The following SPTBN1 variants were observed in gnomAD, a reference collection of about 807,000 sequenced individuals.
The protein encoded by SPTBN1 is spectrin beta, non-erythrocytic 1, also known as spectrin beta chain, non-erythrocytic 1.
SPTBN1 carries 32 observed loss-of-function variants against 266.4 expected under a neutral mutation model. That is an observed-to-expected ratio of 0.12 (90% CI 0.09 to 0.16). The LOEUF (loss-of-function observed/expected upper bound fraction) is 0.16, where lower values mean the gene tolerates loss of function less well. Ranked by LOEUF, SPTBN1 falls within the 10% of genes least tolerant of loss-of-function variation. The pLI is 1.00. For synonymous variants in SPTBN1, 1,336 were observed against 1,162.2 expected (o/e 1.15, Z -3.04); for missense variants, 2,296 against 3,067.1 (o/e 0.75, Z 5.94).
chr2:54,618,293 A>C (rs1677757622), intron 7 of SPTBN1, 100 bp downstream of exon 7: 1 of 1,054,196 alleles, frequency 9.5e-7, no homozygotes, highest in African/African-American at 1.6e-5. Flanking sequence ...TTTGGGAGTT[A>C]TCAAAGGAAG....
At chr2:54,579,688 CT>C (rs943982472) in intron 2 of SPTBN1, among the ~76,000 whole-genome samples, 1 of 152,178 alleles carries the variant, frequency 6.6e-6, no homozygotes, top group Non-Finnish European at 1.5e-5. Flanking sequence ...CCGAGAACTC[CT>C]GTTGACCTTT....
chr2:54,593,909 C>T (rs1675862084), intron 2 of SPTBN1, among the ~76,000 whole-genome samples: 1 of 132,748 alleles, frequency 7.5e-6, no homozygotes, highest in Non-Finnish European at 1.6e-5. Context: ...TCTTGGCTCA[C>T]TGCAACCTCC....
chr2:54,590,956 A>T (rs558328080), intron 2 of SPTBN1, among the ~76,000 whole-genome samples: 24 of 152,338 alleles, frequency 1.6e-4, no homozygotes, highest in Middle Eastern at 3.4e-3. Context: ...GTGGATTAGA[A>T]TGCGGAGAGA....
intron 1 of SPTBN1, among the ~76,000 whole-genome samples, chr2:54,487,437 AATG>A (rs1668458850): frequency 6.6e-6 from 1 of 152,186 alleles, no homozygotes; most frequent in African/African-American, 2.4e-5. Context: ...AGTGCAGAGT[AATG>A]ATGATTCAAT....
At chr2:54,532,837 T>C (rs760539898) in intron 2 of SPTBN1, among the ~76,000 whole-genome samples, 17 of 152,220 alleles carry the variant, frequency 1.1e-4, no homozygotes, top group Non-Finnish European at 2.2e-4. Context: ...TTGATTCTAC[T>C]GTGAGACAAG....
chr2:54,576,033 T>C (rs926479025), intron 2 of SPTBN1, among the ~76,000 whole-genome samples: 1 of 149,640 alleles, frequency 6.7e-6, no homozygotes, highest in Non-Finnish European at 1.5e-5. Flanking sequence ...TGTGTTTTTT[T>C]CCTTTTGTCA....
Position 54,631,129 on chromosome 2 carries a change from G to C in SPTBN1, c.3082G>C (p.Asp1028His), listed in dbSNP as rs545815578. Residue 1028 changes from aspartate to histidine, a missense_variant, in exon 16 of 36, where the codon GAC becomes CAC. Physicochemically the swap from Asp to His is moderately conservative, Grantham distance 81 (BLOSUM62 -1). Coordinates refer to ENST00000356805, the MANE Select transcript of SPTBN1 (RefSeq NM_003128.3). ...GGAGAAGCTGGAGTCCGAGCACCCC[G>C]ACCAGGCCCAGGCCATCCTGTCTCG... ...EAEKLESEHP[D>H]QAQAILSRLA... The C allele has an allele frequency of 3.7e-6, 6 of 1,614,058 alleles. No homozygotes were observed. Among genetic ancestry groups the C allele is most frequent in the Admixed American group, 1.7e-5 (1 of 60,008 alleles).
chr2:54,546,015 G>T (rs923683750), intron 2 of SPTBN1, among the ~76,000 whole-genome samples: 1 of 152,090 alleles, frequency 6.6e-6, no homozygotes, highest in Non-Finnish European at 1.5e-5. Context: ...GTTAATTTTT[G>T]TTAATGTTTT....
At chr2:54,518,657 T>TA (rs1021336576) in intron 1 of SPTBN1, among the ~76,000 whole-genome samples, 17 of 152,202 alleles carry the variant, frequency 1.1e-4, no homozygotes, top group African/African-American at 4.1e-4. Context: ...GGGAGTGTTT[T>TA]AAGTGTTTGC....
intron 11 of SPTBN1, among the ~76,000 whole-genome samples, chr2:54,625,372 A>G (rs1229712488): frequency 1.3e-5 from 2 of 152,116 alleles, no homozygotes; most frequent in African/African-American, 4.8e-5. Flanking sequence ...CTTTTCAGTA[A>G]GGTACTAGAT....
In SPTBN1 at chr2:54,669,613, T is replaced by A. The variant is rs1413074401; in HGVS notation, c.*1044T>A. The stretch of plus-strand genomic sequence containing the variant: ...GCCTGGTGCTCAGTCGTACGACCTG[T>A]ACCTCTCAACTTTTGCCCTATCTGT... On this transcript the variant is annotated 3_prime_UTR_variant, in exon 36 of 36. Transcript: ENST00000356805. The A allele has an allele frequency of 6.5e-6, 1 of 152,692 alleles. No individual in the cohort carries two copies. The highest frequency in any genetic ancestry group is 6.5e-5 in the Admixed American group (1 of 15,290). The allele number at this position is 152,692 out of a possible 1,614,324, so 9.5% of individuals were successfully genotyped here.
At position 54,540,464 on chromosome 2, in the gene SPTBN1, G is replaced by A. The variant is rs1671868907; in HGVS notation, c.148+13898G>A. 6.6e-6 allele frequency: 1 copy of A among 152,172 alleles called. No homozygotes were observed. Among genetic ancestry groups the A allele is most frequent in the Non-Finnish European group, 1.5e-5 (1 of 68,032 alleles). The allele number at this position is 152,172 out of a possible 1,614,324, so 9.4% of individuals were successfully genotyped here. Reference sequence around the variant, plus strand: ...GTGGATTTGGCCCCTGCCTTCTTTTGTGCTCCAGGTATCTCACCCTAAGGT... The same window carrying A: ...GTGGATTTGGCCCCTGCCTTCTTTTATGCTCCAGGTATCTCACCCTAAGGT... On this transcript the variant is annotated intron_variant, in intron 2 of 35. Coordinates refer to ENST00000356805, the MANE Select transcript of SPTBN1 (RefSeq NM_003128.3). This position sits in a 1 kb window ranked among gnomAD's most constrained non-coding sequence, Gnocchi z 5.6.
intron 1 of SPTBN1, among the ~76,000 whole-genome samples, chr2:54,498,536 A>G (rs1558781307): frequency 6.6e-6 from 1 of 152,170 alleles, no homozygotes; most frequent in Non-Finnish European, 1.5e-5. Context: ...GCCTACCTCA[A>G]AAAAGGTTAT....
chr2:54,598,980 G>T (rs1676290413), intron 2 of SPTBN1, 112 bp from the exon 3 acceptor site: 7 of 1,179,976 alleles, frequency 5.9e-6, no homozygotes, highest in Non-Finnish European at 8.5e-6. Context: ...GGTGTCCTTG[G>T]AGGTCAGTTT....
At chr2:54,549,856 C>G (rs45487791) in intron 2 of SPTBN1, among the ~76,000 whole-genome samples, 20,836 of 152,138 alleles carry the variant, frequency 0.14, 1,670 homozygotes, top group Middle Eastern at 0.21. Context: ...GGGCACTGAT[C>G]AGTTTGGGTG....
rs917115272 is a variant in SPTBN1 at position 54,646,016 on chromosome 2, A to G, written c.4583A>G (p.Gln1528Arg). Residue 1528 changes from glutamine (Q) to arginine (R), a missense_variant and splice_region_variant, in exon 22 of 36, where the codon CAG becomes CGG. This residue lies in a region of SPTBN1 where 644 missense variants were observed against 745.3 expected (regional missense o/e 0.86). Transcript: ENST00000356805. This position sits in a 1 kb window ranked among gnomAD's most constrained non-coding sequence, Gnocchi z 4.4. The stretch of plus-strand genomic sequence containing the variant: ...GTGCAGCTGTTAATAAAGAAAAATC[A>G]GGTAAGCCTTTCTGCTCGAGCTAGT... ...QTVQLLIKKN[Q>R]TLQKEIQGHQ... is the part of the protein sequence containing the mutation. The G allele has an allele frequency of 6.2e-7, 1 of 1,614,110 alleles. No individual in the cohort carries two copies. Among genetic ancestry groups the G allele is most frequent in the Non-Finnish European group, 8.5e-7 (1 of 1,180,040 alleles).
At chr2:54,601,052 G>A (rs1676467805) in intron 3 of SPTBN1, among the ~76,000 whole-genome samples, 1 of 152,094 alleles carries the variant, frequency 6.6e-6, no homozygotes, top group African/African-American at 2.4e-5. Context: ...ATGTGTGTGA[G>A]TATCTCCCAC....
At chr2:54,557,794 T>C (rs1424462251) in intron 2 of SPTBN1, 1 of 985,266 alleles carries the variant, frequency 1.0e-6, no homozygotes, top group Non-Finnish European at 1.2e-6. Flanking sequence ...GATGGCAGCG[T>C]AAGTCAGCCG....
chr2:54,641,425 A>C (rs966704329), intron 18 of SPTBN1, among the ~76,000 whole-genome samples: 2 of 152,160 alleles, frequency 1.3e-5, no homozygotes, highest in African/African-American at 4.8e-5. Flanking sequence ...TACTGGGAAA[A>C]ATTTTGTCAT....
Sources: gnomAD v4.1 joint callset for allele counts (sites outside exome capture counted in the v4.1 genomes callset) on GRCh38, gnomAD v4.1.1 for gene constraint, gnomAD v4.1.1 regional missense constraint, Gnocchi (gnomAD v3.1) non-coding constraint, MANE v1.5 for transcripts, NCBI Gene and HGNC (gene_info 2026-07-23, HGNC 2026-07-21) for gene names.